TENM2: variants seen among roughly 807,000 people sequenced by gnomAD.
TENM2 encodes the protein teneurin-2.
A neutral mutation model predicts 245.2 loss-of-function variants in TENM2; 52 were observed. That is an observed-to-expected ratio of 0.21 (90% CI 0.17 to 0.27). The LOEUF (loss-of-function observed/expected upper bound fraction) is 0.27, where lower values mean the gene tolerates loss of function less well. Ranked by LOEUF, TENM2 falls within the 10% of genes least tolerant of loss-of-function variation. The pLI is 1.00. For synonymous variants in TENM2, 1,363 were observed against 1,438.9 expected (o/e 0.95, Z 1.19); for missense variants, 3,046 against 3,666.8 (o/e 0.83, Z 4.37).
intron 2 of TENM2, among the ~76,000 whole-genome samples, chr5:167,495,583 G>A (rs947404707): frequency 6.6e-6 from 1 of 152,054 alleles, no homozygotes; most frequent in Non-Finnish European, 1.5e-5. Context: ...TATTAAGGAA[G>A]TGCCGAATAA....
chr5:167,363,752 G>GAAAAAGA (rs1759862592), intron 1 of TENM2, among the ~76,000 whole-genome samples: 1 of 122,366 alleles, frequency 8.2e-6, no homozygotes, highest in Non-Finnish European at 1.8e-5. Flanking sequence ...AAAAAGAAAA[G>GAAAAAGA]AAAAAGAAAA....
At chr5:167,736,825 C>G (rs1194595817) in intron 2 of TENM2, among the ~76,000 whole-genome samples, 1 of 152,116 alleles carries the variant, frequency 6.6e-6, no homozygotes, top group Non-Finnish European at 1.5e-5. Context: ...GACCCATAGG[C>G]TGAAAGAGAT....
At chr5:167,588,092 AG>A (rs1293815049) in intron 2 of TENM2, among the ~76,000 whole-genome samples, 1 of 152,226 alleles carries the variant, frequency 6.6e-6, no homozygotes, top group Non-Finnish European at 1.5e-5. Context: ...TGATATTCCC[AG>A]GGCTCACTGT....
At chr5:168,018,875 TCA>T (rs1785898772) in intron 5 of TENM2, among the ~76,000 whole-genome samples, 1 of 152,116 alleles carries the variant, frequency 6.6e-6, no homozygotes, top group South Asian at 2.1e-4. Context: ...GAGATCTCCA[TCA>T]CACACAGAGA....
intron 7 of TENM2, among the ~76,000 whole-genome samples, chr5:168,088,041 G>A (rs886349120): frequency 4.6e-5 from 7 of 152,122 alleles, no homozygotes; most frequent in South Asian, 2.1e-4. Context: ...TGGGCTGGAC[G>A]GTGAGCACTG....
At chr5:167,960,942 G>A (rs1285661883) in intron 4 of TENM2, among the ~76,000 whole-genome samples, 1 of 152,178 alleles carries the variant, frequency 6.6e-6, no homozygotes, top group African/African-American at 2.4e-5. Flanking sequence ...GCTTCCCTTG[G>A]CTAGAGGAGG....
intron 13 of TENM2, among the ~76,000 whole-genome samples, chr5:168,180,772 G>A (rs552641271): frequency 6.6e-6 from 1 of 152,164 alleles, no homozygotes; most frequent in East Asian, 1.9e-4. Flanking sequence ...CATTGTGGCG[G>A]GCGCCTGTAA....
At chr5:167,940,320 G>C (rs905573726) in intron 3 of TENM2, among the ~76,000 whole-genome samples, 18 of 152,066 alleles carry the variant, frequency 1.2e-4, no homozygotes, top group Admixed American at 1.0e-3. Context: ...TGTCTACCAA[G>C]TACTCCAAGA....
the TENM2 span, among the ~76,000 whole-genome samples, chr5:167,106,379 A>T: frequency 6.6e-6 from 1 of 152,234 alleles, no homozygotes; most frequent in Non-Finnish European, 1.5e-5. Flanking sequence ...CTAAGAATAA[A>T]GAGGAAATCA....
intron 4 of TENM2, among the ~76,000 whole-genome samples, chr5:167,977,924 T>C (rs1583552092): frequency 6.6e-6 from 1 of 152,086 alleles, no homozygotes; most frequent in Middle Eastern, 3.4e-3. Flanking sequence ...GTCATGGGGG[T>C]GGATCTCTCA....
At chr5:166,992,632 T>G in the TENM2 span, among the ~76,000 whole-genome samples, 1 of 152,194 alleles carries the variant, frequency 6.6e-6, no homozygotes, top group Admixed American at 6.5e-5. Context: ...CTTGACCACT[T>G]TCTGCTTTCT....
the TENM2 span, among the ~76,000 whole-genome samples, chr5:167,191,087 A>C: frequency 6.6e-6 from 1 of 152,012 alleles, no homozygotes; most frequent in Non-Finnish European, 1.5e-5. Context: ...GGAAAAAAGA[A>C]ACTTTGATAT....
At chr5:167,621,328 A>G (rs1398447729) in intron 2 of TENM2, among the ~76,000 whole-genome samples, 1 of 152,320 alleles carries the variant, frequency 6.6e-6, no homozygotes, top group East Asian at 1.9e-4. Context: ...GTTGTCAGAG[A>G]AAGCTGTACA....
chr5:167,220,387 G>A, the TENM2 span, among the ~76,000 whole-genome samples: 1 of 152,042 alleles, frequency 6.6e-6, no homozygotes, highest in African/African-American at 2.4e-5. Context: ...CCAACTTGTG[G>A]ATATTTCCAC....
Position 168,244,304 on chromosome 5 carries a change from A to G in TENM2, c.5521-116A>G. On this transcript the variant is annotated intron_variant, in intron 25 of 28. Coordinates refer to ENST00000518659, the Ensembl canonical transcript of TENM2. The surrounding 1 kb of genome is among the most constrained non-coding windows in gnomAD (Gnocchi z 4.9). ...AAAGCACTACTCTAACTTTGGGGTT[A>G]TTTCTTCCTCCAGTGAACACTTAAG... The G allele has an allele frequency of 2.3e-6, 2 of 853,046 alleles. No individual in the cohort carries two copies. The highest frequency in any genetic ancestry group is 3.3e-6 in the Non-Finnish European group (2 of 602,256). 52.8% of individuals were successfully genotyped at this position (853,046 alleles called of 1,614,324 possible).
At chr5:168,074,570 T>C (rs1791296571) in intron 7 of TENM2, among the ~76,000 whole-genome samples, 1 of 149,728 alleles carries the variant, frequency 6.7e-6, no homozygotes, top group Non-Finnish European at 1.5e-5. Context: ...GCTTTGGCCG[T>C]CCACCGTAGG....
chr5:167,737,245 A>G (rs1454371076), intron 2 of TENM2, among the ~76,000 whole-genome samples: 2 of 152,142 alleles, frequency 1.3e-5, no homozygotes, highest in Non-Finnish European at 2.9e-5. Flanking sequence ...AGCTCCTGCA[A>G]ATGTTCTGTG....
Position 167,951,559 on chromosome 5 carries a change from T to C in TENM2, c.713-1029T>C, listed in dbSNP as rs1780103916. ...AGAGACAGCGATATCTACAAGGGGA[T>C]ATTTTCCAAGGGAGAGCTCTCCTTT... is the stretch of plus-strand genomic sequence containing the variant. On this transcript the variant is annotated intron_variant, in intron 3 of 28. Coordinates refer to ENST00000518659, the Ensembl canonical transcript of TENM2. 2.0e-5 allele frequency among the ~76,000 whole-genome samples: 3 copies of C among 152,176 alleles called. No individual in the cohort carries two copies. The South Asian group carries it at 6.2e-4, about 32-fold the overall frequency.
At chr5:168,089,764 A>T (rs1419311378) in intron 7 of TENM2, among the ~76,000 whole-genome samples, 1 of 152,176 alleles carries the variant, frequency 6.6e-6, no homozygotes, top group Non-Finnish European at 1.5e-5. Flanking sequence ...ACACCAAGAT[A>T]GGTACCAAAT....
Sources: gnomAD v4.1 joint callset for allele counts (sites outside exome capture counted in the v4.1 genomes callset) on GRCh38, gnomAD v4.1.1 for gene constraint, Gnocchi (gnomAD v3.1) non-coding constraint, MANE v1.5 for transcripts, NCBI Gene and HGNC (gene_info 2026-07-23, HGNC 2026-07-21) for gene names.